The following EPS15 variants were observed in gnomAD, a reference collection of about 807,000 sequenced individuals.
EPS15 encodes the protein epidermal growth factor receptor substrate 15.
EPS15 carries 72 observed loss-of-function variants against 113.8 expected under a neutral mutation model. The ratio of observed to expected loss-of-function variants is 0.63; its 90% CI spans 0.52 to 0.77. The LOEUF (loss-of-function observed/expected upper bound fraction) is 0.77. EPS15 is among the 30% of genes least tolerant of loss of function. EPS15 has a pLI of 0.00. For missense variants in EPS15, 1,048 were observed against 1,045.8 expected, an observed-to-expected ratio of 1.00 and a Z score of -0.03; for synonymous variants, 344 against 363.4, an observed-to-expected ratio of 0.95 and a Z score of 0.61.
Position 51,447,105 on chromosome 1 carries a change from AC to A in EPS15, c.652-1del. The A allele has an allele frequency of 6.3e-7, 1 of 1,589,136 alleles. No homozygotes were observed. Among genetic ancestry groups the A allele is most frequent in the Non-Finnish European group, 8.5e-7 (1 of 1,173,460 alleles). On this transcript the variant is annotated splice_acceptor_variant, in intron 9 of 24. Transcript: ENST00000371733. LOFTEE classifies it high-confidence loss of function. ...GCTTTTTCTGCAGGGGATACAACCCACTACAGGGAGGAAAAAAAACAGTATT... is the reference window on the plus strand; with the variant it reads ...GCTTTTTCTGCAGGGGATACAACCCATACAGGGAGGAAAAAAAACAGTATT...
chr1:51,512,280 A>C (rs929106336), intron 1 of EPS15, among the ~76,000 whole-genome samples: 1 of 152,210 alleles, frequency 6.6e-6, no homozygotes, highest in African/African-American at 2.4e-5. Flanking sequence ...TTTATTTCTA[A>C]TATGCAAATG....
chr1:51,365,275 A>G (rs573117943), intron 22 of EPS15, among the ~76,000 whole-genome samples: 1 of 152,332 alleles, frequency 6.6e-6, no homozygotes, highest in African/African-American at 2.4e-5. Context: ...ACGTAATTGC[A>G]TATTGTGGGG....
intron 4 of EPS15, among the ~76,000 whole-genome samples, chr1:51,470,413 G>A (rs1655151430): frequency 6.6e-6 from 1 of 152,112 alleles, no homozygotes; most frequent in African/African-American, 2.4e-5. Flanking sequence ...GGGAGGCCGA[G>A]GTGGGTGGAT....
intron 12 of EPS15, chr1:51,423,754 C>T (rs1256017795): frequency 4.1e-6 from 4 of 984,710 alleles, no homozygotes; most frequent in Non-Finnish European, 4.8e-6. Flanking sequence ...AGCCAGTGAG[C>T]TGACTCAAAG....
At chr1:51,494,455 T>G (rs1344624861) in intron 1 of EPS15, among the ~76,000 whole-genome samples, 1 of 152,246 alleles carries the variant, frequency 6.6e-6, no homozygotes, top group Non-Finnish European at 1.5e-5. Flanking sequence ...CTAAATTCCC[T>G]TGCTCCTCTT....
At chr1:51,512,942 T>C (rs1211566246) in intron 1 of EPS15, among the ~76,000 whole-genome samples, 4 of 149,370 alleles carry the variant, frequency 2.7e-5, no homozygotes, top group Non-Finnish European at 5.9e-5. Context: ...CTGCTAATCA[T>C]AGCTCACCTG....
rs1649118788 is a variant in EPS15, at chr1:51,406,256, G to C, written c.1474-148C>G. ...TTTGGGAAACTGAGGCAGGAGGACT[G>C]CTTCAGCCCAGGAGTTCAAGACCAG... On this transcript the variant is annotated intron_variant, in intron 15 of 24. Transcript: ENST00000371733. 17 of 656,154 alleles carry C rather than the reference G, an allele frequency of 2.6e-5. No individual in the cohort carries two copies. The South Asian group carries it at 3.3e-4, about 13-fold the overall frequency. 40.6% of individuals were successfully genotyped at this position (656,154 alleles called of 1,614,324 possible). A position where few individuals can be genotyped will look rare whatever the true frequency, so the allele number is the denominator to read the frequency against.
intron 1 of EPS15, among the ~76,000 whole-genome samples, chr1:51,505,352 A>C (rs1399029659): frequency 6.6e-6 from 1 of 152,244 alleles, no homozygotes; most frequent in Admixed American, 6.5e-5. Flanking sequence ...TTCAACCAAA[A>C]AAAGGAATGA....
intron 1 of EPS15, among the ~76,000 whole-genome samples, chr1:51,512,743 C>T (rs1570460891): frequency 6.6e-6 from 1 of 151,824 alleles, no homozygotes; most frequent in Non-Finnish European, 1.5e-5. Flanking sequence ...TTTCTGATTA[C>T]TGGACTGACA....
At chr1:51,490,304 A>G in intron 1 of EPS15, 1 of 448,620 alleles carries the variant, frequency 2.2e-6, no homozygotes, top group Non-Finnish European at 4.5e-6. Flanking sequence ...GGTGGCTCAC[A>G]CCTATAATCC....
intron 13 of EPS15, among the ~76,000 whole-genome samples, chr1:51,419,342 A>G: frequency 6.6e-6 from 1 of 152,290 alleles, no homozygotes; most frequent in East Asian, 1.9e-4. Context: ...AAAAATTCAG[A>G]AATTAATTAC....
intron 23 of EPS15, among the ~76,000 whole-genome samples, chr1:51,363,625 TA>T (rs1200203555): frequency 2.6e-5 from 4 of 151,708 alleles, no homozygotes; most frequent in Middle Eastern, 3.4e-3. Context: ...ATGATTAAGT[TA>T]AAAAAAAGAA....
intron 8 of EPS15, among the ~76,000 whole-genome samples, chr1:51,460,052 T>C (rs182806367): frequency 1.3e-4 from 20 of 152,284 alleles, no homozygotes; most frequent in Admixed American, 4.6e-4. Flanking sequence ...ATGGTTCTTC[T>C]AACAGATCAA....
At chr1:51,511,313 G>T (rs1315273871) in intron 1 of EPS15, among the ~76,000 whole-genome samples, 1 of 151,772 alleles carries the variant, frequency 6.6e-6, no homozygotes, top group African/African-American at 2.4e-5. Flanking sequence ...GGAAAACATG[G>T]TGAAATCCAT....
chr1:51,445,049 C>A lies in EPS15; in HGVS notation c.798-4G>T. On this transcript the variant is annotated splice_region_variant and splice_polypyrimidine_tract_variant and intron_variant, in intron 10 of 24. Transcript: ENST00000371733. ...GTCCTTTGTGTCGCATAATGACCTG[C>A]ACAAATAAACAAAATGAATGGTATG... 2 of 1,609,936 alleles carry A rather than the reference C, an allele frequency of 1.2e-6. No homozygotes were observed. Among genetic ancestry groups the A allele is most frequent in the Non-Finnish European group, 1.7e-6 (2 of 1,177,796 alleles).
intron 1 of EPS15, 32 bp from the exon 2 acceptor site, chr1:51,481,346 C>T (rs768605335): frequency 8.5e-6 from 8 of 941,940 alleles, no homozygotes; most frequent in South Asian, 4.0e-5. Flanking sequence ...AAATTAGATG[C>T]TATTCATTAA....
chr1:51,355,828 G>A lies in EPS15; in HGVS notation c.*872C>T. 5.0e-6 allele frequency: 1 copy of A among 199,402 alleles called. No individual in the cohort carries two copies. Among genetic ancestry groups the A allele is most frequent in the Non-Finnish European group, 1.0e-5 (1 of 96,672 alleles). 12.4% of individuals were successfully genotyped at this position (199,402 alleles called of 1,614,324 possible). A position where few individuals can be genotyped will look rare whatever the true frequency, so the allele number is the denominator to read the frequency against. ...CCCACTAAGAACTAAACAGGACAGG[G>A]CCACGGCAAAGGCAGAATGGCTGCC... On this transcript the variant is annotated 3_prime_UTR_variant, in exon 25 of 25. Transcript: ENST00000371733.
intron 1 of EPS15, among the ~76,000 whole-genome samples, chr1:51,508,250 G>GAAAAGAA (rs1190191106): frequency 1.6e-4 from 5 of 31,278 alleles, no homozygotes; most frequent in Non-Finnish European, 3.3e-4. Context: ...AAGAGAGAAA[G>GAAAAGAA]AGAGAGAGAG....
intron 13 of EPS15, among the ~76,000 whole-genome samples, chr1:51,415,089 A>T (rs1650081709): frequency 6.6e-6 from 1 of 152,196 alleles, no homozygotes. Context: ...TTCTGATGTG[A>T]CTAAATTTTT....
Sources: gnomAD v4.1 joint callset for allele counts (sites outside exome capture counted in the v4.1 genomes callset) on GRCh38, gnomAD v4.1.1 for gene constraint, MANE v1.5 for transcripts, NCBI Gene and HGNC (gene_info 2026-07-23, HGNC 2026-07-21) for gene names.